The following THSD7A variants were observed in gnomAD, a reference collection of about 807,000 sequenced individuals.
The protein encoded by THSD7A is thrombospondin type 1 domain containing 7A.
THSD7A carries 96 observed loss-of-function variants against 231.3 expected under a neutral mutation model. The ratio of observed to expected loss-of-function variants is 0.41; its 90% confidence interval spans 0.35 to 0.49. The LOEUF (loss-of-function observed/expected upper bound fraction) is 0.49. Among genes scored for constraint, THSD7A ranks in the 20% least tolerant of loss-of-function variants. The pLI, the probability that THSD7A is intolerant of heterozygous loss-of-function variation, is 0.05. For synonymous variants in THSD7A, 940 were observed against 743.3 expected (o/e 1.26, Z -4.30); for missense variants, 2,290 against 2,070.2 (o/e 1.11, Z -2.06).
intron 6 of THSD7A, among the ~76,000 whole-genome samples, chr7:11,507,839 T>C (rs1035777132): frequency 3.3e-5 from 5 of 152,172 alleles, no homozygotes; most frequent in Admixed American, 6.5e-5. Context: ...AAGCTTAACA[T>C]GTAAAATATA....
At position 11,375,813 on chromosome 7, in the gene THSD7A, T is replaced by C. The variant is rs752733967; in HGVS notation, c.4955A>G (p.Asp1652Gly). The C allele has an allele frequency of 6.2e-7, 1 of 1,612,662 alleles. No homozygotes were observed. The highest frequency in any genetic ancestry group is 8.5e-7 in the Non-Finnish European group (1 of 1,178,982). Residue 1652 changes from aspartate to glycine, a missense_variant, in exon 28 of 28, where the codon GAT becomes GGT. Coordinates refer to ENST00000423059, the MANE Select transcript of THSD7A (RefSeq NM_015204.3). ...TATATGTTACATGTCGGCATCTCCA[T>C]CATAGGCTAAGGTTAAAGGTTTCAG... ...NRLKPLTLAY[D>G]GDADM
chr7:11,527,171 C>T (rs1788510438), intron 6 of THSD7A, among the ~76,000 whole-genome samples: 1 of 152,096 alleles, frequency 6.6e-6, no homozygotes, highest in African/African-American at 2.4e-5. Flanking sequence ...GAAGGCTCTC[C>T]ATATAGATTT....
intron 23 of THSD7A, among the ~76,000 whole-genome samples, chr7:11,394,601 A>T (rs998076144): frequency 6.6e-6 from 1 of 152,182 alleles, no homozygotes; most frequent in Non-Finnish European, 1.5e-5. Context: ...TTGACCAAGA[A>T]CCGATCTTTG....
chr7:11,639,094 CAAATT>C (rs1389122971), intron 1 of THSD7A, among the ~76,000 whole-genome samples: 1 of 152,054 alleles, frequency 6.6e-6, no homozygotes, highest in East Asian at 1.9e-4. Flanking sequence ...ATCAGACTCT[CAAATT>C]AAGAGTAAAC....
In THSD7A at chr7:11,820,981, C is replaced by T. The variant is rs1224204780; in HGVS notation, c.190+10776G>A. Reference sequence around the variant, plus strand: ...CGTTCAATATCAAGGCGGAGATCAACAGGATCATCTCTGTATTTTCCCTCA... The same window carrying T: ...CGTTCAATATCAAGGCGGAGATCAATAGGATCATCTCTGTATTTTCCCTCA... On this transcript the variant is annotated intron_variant, in intron 1 of 27. Coordinates refer to ENST00000423059, the MANE Select transcript of THSD7A (RefSeq NM_015204.3). The T allele has an allele frequency of 9.7e-6, 10 of 1,035,352 alleles. No homozygotes were observed. In the African/African-American group the frequency reaches 1.6e-4, roughly 17 times the overall value. The allele number at this position is 1,035,352 out of a possible 1,614,324, so 64.1% of individuals were successfully genotyped here.
intron 1 of THSD7A, among the ~76,000 whole-genome samples, chr7:11,727,163 G>A (rs367753531): frequency 1.4e-3 from 218 of 152,120 alleles, no homozygotes; most frequent in Non-Finnish European, 2.0e-3. Context: ...ATTTTACCAG[G>A]AATGAAGCAG....
At chr7:11,426,822 T>C (rs1784336228) in intron 14 of THSD7A, among the ~76,000 whole-genome samples, 151 bp from the exon 15 acceptor site, 1 of 152,160 alleles carries the variant, frequency 6.6e-6, no homozygotes, top group Admixed American at 6.5e-5. Flanking sequence ...AGAACATTTT[T>C]CTTAGGTCTC....
chr7:11,415,128 A>G lies in THSD7A; in HGVS notation c.3537+2322T>C, dbSNP rs141558640. 7.4e-3 allele frequency among the ~76,000 whole-genome samples: 1,133 copies of G among 152,354 alleles called. 14 individuals are homozygous for G. The highest frequency in any genetic ancestry group is 0.026 in the African/African-American group (1,083 of 41,588). On this transcript the variant is annotated intron_variant, in intron 17 of 27. Coordinates refer to ENST00000423059, the MANE Select transcript of THSD7A (RefSeq NM_015204.3). ...ACTCTTGTGCAATCACTGAGTTTCA[A>G]ATGTGGCCAATTGTTCAAATCATGT...
chr7:11,378,368 T>C (rs1782364901), intron 26 of THSD7A, among the ~76,000 whole-genome samples: 2 of 152,190 alleles, frequency 1.3e-5, no homozygotes, highest in African/African-American at 4.8e-5. Context: ...TATGATGAAA[T>C]CCAACTGAGG....
In THSD7A at chr7:11,736,397, G is replaced by T. The variant is rs574908068; in HGVS notation, c.190+95360C>A. On this transcript the variant is annotated intron_variant, in intron 1 of 27. Transcript: ENST00000423059. ...GATCACTTGAGATCAGGAGTTTGAGGCTACAGTGAGCCATGGTGGTGCCAC... is the reference window on the plus strand; with the variant it reads ...GATCACTTGAGATCAGGAGTTTGAGTCTACAGTGAGCCATGGTGGTGCCAC... 4.0e-4 allele frequency among the ~76,000 whole-genome samples: 60 copies of T among 151,870 alleles called. No individual in the cohort carries two copies. The South Asian group carries it at 4.0e-3, about 10-fold the overall frequency.
chr7:11,728,550 T>C (rs1781621758), intron 1 of THSD7A, among the ~76,000 whole-genome samples: 1 of 151,932 alleles, frequency 6.6e-6, no homozygotes, highest in Non-Finnish European at 1.5e-5. Flanking sequence ...CTTTATGCCA[T>C]ATTATGGGGT....
At chr7:11,691,185 G>A (rs1284061191) in intron 1 of THSD7A, among the ~76,000 whole-genome samples, 1 of 151,492 alleles carries the variant, frequency 6.6e-6, no homozygotes, top group Non-Finnish European at 1.5e-5. Flanking sequence ...AACTTGGTAA[G>A]TCTAGTGTTA....
At chr7:11,471,196 T>C (rs1785923967) in intron 8 of THSD7A, among the ~76,000 whole-genome samples, 1 of 151,974 alleles carries the variant, frequency 6.6e-6, no homozygotes, top group Non-Finnish European at 1.5e-5. Flanking sequence ...CAATTCTCTT[T>C]TGAAGTCATA....
At chr7:11,623,876 C>T (rs1043499116) in intron 2 of THSD7A, among the ~76,000 whole-genome samples, 1 of 152,092 alleles carries the variant, frequency 6.6e-6, no homozygotes, top group Non-Finnish European at 1.5e-5. Context: ...CCCTGACTTT[C>T]GTCTATTGAG....
intron 13 of THSD7A, among the ~76,000 whole-genome samples, chr7:11,432,973 C>G (rs536936418): frequency 1.3e-5 from 2 of 151,988 alleles, no homozygotes; most frequent in South Asian, 2.1e-4. Context: ...GGGCATTAGT[C>G]CCAGATAATC....
At chr7:11,762,942 T>G (rs918489927) in intron 1 of THSD7A, among the ~76,000 whole-genome samples, 4 of 152,022 alleles carry the variant, frequency 2.6e-5, no homozygotes, top group African/African-American at 7.2e-5. Flanking sequence ...TTCACAGAAT[T>G]AAAAAAATTG....
At chr7:11,649,441 G>A (rs756425156) in intron 1 of THSD7A, among the ~76,000 whole-genome samples, 42 of 152,022 alleles carry the variant, frequency 2.8e-4, no homozygotes, top group Non-Finnish European at 4.1e-4. Context: ...AATATTTTAT[G>A]CAGCAATAGA....
chr7:11,783,343 T>C (rs976184769), intron 1 of THSD7A, among the ~76,000 whole-genome samples: 1 of 152,178 alleles, frequency 6.6e-6, no homozygotes, highest in Non-Finnish European at 1.5e-5. Context: ...GCATATCTCA[T>C]ATAATTTACT....
chr7:11,555,706 T>G (rs544784290), intron 4 of THSD7A, among the ~76,000 whole-genome samples: 1 of 151,982 alleles, frequency 6.6e-6, no homozygotes, highest in South Asian at 2.1e-4. Flanking sequence ...TTTTGTCTAT[T>G]TCTCCTTTCA....
Sources: gnomAD v4.1 joint callset for allele counts (sites outside exome capture counted in the v4.1 genomes callset) on GRCh38, gnomAD v4.1.1 for gene constraint, MANE v1.5 for transcripts, NCBI Gene and HGNC (gene_info 2026-07-23, HGNC 2026-07-21) for gene names.